SLC35F4: variants seen among roughly 807,000 people sequenced by gnomAD.
SLC35F4 encodes chromosome 14 open reading frame 36.
Under a neutral mutation model 44.2 loss-of-function variants are expected in SLC35F4, and 24 were observed. The observed-to-expected ratio is 0.54, with a 90% CI of 0.39 to 0.76. The LOEUF is 0.76. SLC35F4 is among the 30% of genes least tolerant of loss of function. The pLI is 0.00. For synonymous variants in SLC35F4, 238 were observed against 223.6 expected, an observed-to-expected ratio of 1.06 and a Z score of -0.57; for missense variants, 562 against 586.1, an observed-to-expected ratio of 0.96 and a Z score of 0.42.
At chr14:57,977,654 G>T (rs1232264832) in intron 1 of SLC35F4, among the ~76,000 whole-genome samples, 1 of 152,144 alleles carries the variant, frequency 6.6e-6, no homozygotes, top group East Asian at 1.9e-4. Flanking sequence ...ATCAACCACT[G>T]ATCCCAAGTC....
At chr14:57,944,677 AAAAGAAAAGAAAG>A (rs757204058) in intron 1 of SLC35F4, among the ~76,000 whole-genome samples, 4,918 of 143,182 alleles carry the variant, frequency 0.034, 139 homozygotes, top group African/African-American at 0.073. Context: ...GAAAGAAAGA[AAAAGAAAAGAAAG>A]AAAGAAAAGA....
At chr14:57,788,392 TA>T (rs894609986) in intron 1 of SLC35F4, among the ~76,000 whole-genome samples, 1 of 152,174 alleles carries the variant, frequency 6.6e-6, no homozygotes, top group African/African-American at 2.4e-5. Flanking sequence ...ACAATGGATT[TA>T]ACTATACTTT....
intron 1 of SLC35F4, among the ~76,000 whole-genome samples, chr14:57,921,413 G>T (rs925252797): frequency 2.6e-5 from 4 of 152,174 alleles, no homozygotes; most frequent in Admixed American, 1.3e-4. Flanking sequence ...ATTATCTTGG[G>T]CAGTTATTTT....
intron 1 of SLC35F4, among the ~76,000 whole-genome samples, chr14:57,848,410 G>A (rs942820097): frequency 6.6e-6 from 1 of 152,220 alleles, no homozygotes; most frequent in Non-Finnish European, 1.5e-5. Flanking sequence ...GCTGCCCACT[G>A]AGGCTCCCAG....
intron 1 of SLC35F4, among the ~76,000 whole-genome samples, chr14:57,829,514 C>T (rs751456804): frequency 1.4e-4 from 21 of 152,154 alleles, no homozygotes; most frequent in African/African-American, 3.1e-4. Context: ...AGGTCTAAAA[C>T]GCTGTGACCA....
chr14:57,577,663 CTT>C lies in SLC35F4; in HGVS notation c.807+3549_807+3550del, dbSNP rs547716979. On this transcript the variant is annotated intron_variant, in intron 4 of 7. Transcript: ENST00000556826. ...GTGGCACATTCCCCTTGGGAAGAAC[CTT>C]TTTTTAAAAAAAAAAAAATTAAGGT... 2.2e-3 allele frequency among the ~76,000 whole-genome samples: 284 copies of C among 129,494 alleles called. 2 individuals are homozygous for C. The highest frequency in any genetic ancestry group is 7.8e-3 in the Middle Eastern group (2 of 258). The allele number at this position is 129,494 out of a possible 152,430, so 85.0% of individuals were successfully genotyped here.
chr14:57,925,499 G>GGAAGGAAGGAAGGAAGGAAGGAAGGA (rs1566930948), intron 1 of SLC35F4, among the ~76,000 whole-genome samples: 1 of 15,880 alleles, frequency 6.3e-5, no homozygotes, highest in Non-Finnish European at 1.2e-4. Flanking sequence ...GGAAGGAAGG[G>GGAAGGAAGGAAGGAAGGAAGGAAGGA]AGGGAGGGAG....
At chr14:57,632,447 G>T (rs1406848051) in intron 1 of SLC35F4, among the ~76,000 whole-genome samples, 1 of 152,032 alleles carries the variant, frequency 6.6e-6, no homozygotes, top group Non-Finnish European at 1.5e-5. Flanking sequence ...GGCCTTCAAG[G>T]ATCTCTGAAG....
intron 1 of SLC35F4, among the ~76,000 whole-genome samples, chr14:57,626,227 G>T (rs1054857037): frequency 1.4e-5 from 2 of 144,414 alleles, no homozygotes; most frequent in Non-Finnish European, 3.0e-5. Flanking sequence ...TGTAAATGAC[G>T]GGTTGATGGG....
At chr14:57,742,331 C>T (rs564698751) in intron 1 of SLC35F4, among the ~76,000 whole-genome samples, 1 of 152,250 alleles carries the variant, frequency 6.6e-6, no homozygotes, top group East Asian at 1.9e-4. Flanking sequence ...GGAGACACAT[C>T]TCATATGCAA....
At chr14:57,715,168 G>A (rs2140415789) in intron 1 of SLC35F4, among the ~76,000 whole-genome samples, 1 of 151,934 alleles carries the variant, frequency 6.6e-6, no homozygotes, top group Admixed American at 6.6e-5. Flanking sequence ...GTTATAGGGG[G>A]AAAAAAAAGG....
chr14:57,597,479 C>T (rs58754454), intron 1 of SLC35F4, among the ~76,000 whole-genome samples: 1 of 152,178 alleles, frequency 6.6e-6, no homozygotes, highest in Non-Finnish European at 1.5e-5. Context: ...TGTGTCAGGA[C>T]CAGAGTTAGA....
At chr14:57,724,956 T>C (rs2076167137) in intron 1 of SLC35F4, among the ~76,000 whole-genome samples, 1 of 152,198 alleles carries the variant, frequency 6.6e-6, no homozygotes, top group South Asian at 2.1e-4. Context: ...TTTGGCTTGA[T>C]GGTCAGTGAC....
At chr14:57,796,993 G>T (rs1203877564) in intron 1 of SLC35F4, among the ~76,000 whole-genome samples, 21 of 152,216 alleles carry the variant, frequency 1.4e-4, no homozygotes, top group Admixed American at 1.4e-3. Context: ...ATTTGCATTT[G>T]CACATGCACA....
At chr14:57,903,735 G>C (rs1889055061) in intron 1 of SLC35F4, among the ~76,000 whole-genome samples, 1 of 152,172 alleles carries the variant, frequency 6.6e-6, no homozygotes, top group Admixed American at 6.5e-5. Flanking sequence ...AAGAAATCTA[G>C]AAATCTCTGA....
chr14:57,971,270 T>C (rs1160980872), intron 1 of SLC35F4, among the ~76,000 whole-genome samples: 9 of 152,230 alleles, frequency 5.9e-5, no homozygotes, highest in Non-Finnish European at 8.8e-5. Flanking sequence ...CCCTGCAATC[T>C]TGTTTAAACT....
chr14:57,958,252 G>T (rs1473154828), intron 1 of SLC35F4, among the ~76,000 whole-genome samples: 2 of 152,158 alleles, frequency 1.3e-5, no homozygotes, highest in African/African-American at 4.8e-5. Context: ...TAGAGACGGG[G>T]TTTCACCATG....
At chr14:57,805,486 G>A (rs912049609) in intron 1 of SLC35F4, among the ~76,000 whole-genome samples, 1 of 152,176 alleles carries the variant, frequency 6.6e-6, no homozygotes, top group South Asian at 2.1e-4. Flanking sequence ...GGATGGAATT[G>A]GAAGCCATTA....
At chr14:57,656,849 C>T (rs1193732103) in intron 1 of SLC35F4, among the ~76,000 whole-genome samples, 2 of 152,158 alleles carry the variant, frequency 1.3e-5, no homozygotes, top group African/African-American at 2.4e-5. Flanking sequence ...AAGAATTTTT[C>T]CTCCCCCATC....
Sources: gnomAD v4.1 joint callset for allele counts (sites outside exome capture counted in the v4.1 genomes callset) on GRCh38, gnomAD v4.1.1 for gene constraint, MANE v1.5 for transcripts, NCBI Gene and HGNC (gene_info 2026-07-23, HGNC 2026-07-21) for gene names.